Variants in ANKRD17 observed in about 807,000 individuals in gnomAD.
ANKRD17 encodes ankyrin repeat domain 17.
Under a neutral mutation model 229.7 loss-of-function variants are expected in ANKRD17, and 19 were observed. The observed-to-expected ratio is 0.08, with a 90% CI of 0.06 to 0.12. The LOEUF is 0.12. ANKRD17 is among the 10% of genes least tolerant of loss of function. ANKRD17 has a pLI of 1.00. For synonymous variants in ANKRD17, 1,112 were observed against 1,146.1 expected (o/e 0.97, Z 0.60); for missense variants, 2,176 against 3,176.8 (o/e 0.68, Z 7.57).
rs758994349 is a variant in ANKRD17 at position 73,258,485 on chromosome 4, G to T, written c.184C>A (p.Leu62Met). Reference protein sequence around the residue: ...RGMVRVCDLLLKKKPPQQQHH... With the variant: ...RGMVRVCDLLMKKKPPQQQHH... ...TGCTGCTGCGGCGGCTTCTTCTTCA[G>T]GAGCAGGTCGCAGACTCGCACCATC... Residue 62 changes from leucine to methionine, a missense_variant, in exon 1 of 34, where the codon CTG becomes ATG. Leu to Met is a conservative substitution (Grantham distance 15). Around this residue, in one of 18 missense-constraint regions of ANKRD17, gnomAD observed 196 missense variants for 190.0 expected, o/e 1.03. Coordinates refer to ENST00000358602, the MANE Select transcript of ANKRD17 (RefSeq NM_032217.5). 22 of 1,579,966 alleles carry T rather than the reference G, an allele frequency of 1.4e-5. No homozygotes were observed. Among genetic ancestry groups the T allele is most frequent in the Non-Finnish European group, 1.8e-5 (21 of 1,164,500 alleles).
Position 73,148,795 on chromosome 4 carries a change from C to G in ANKRD17, c.1567+18G>C, listed in dbSNP as rs371600971. The G allele has an allele frequency of 6.2e-7, 1 of 1,600,796 alleles. No individual in the cohort carries two copies. Among genetic ancestry groups the G allele is most frequent in the South Asian group, 1.1e-5 (1 of 90,732 alleles). On this transcript the variant is annotated intron_variant, in intron 8 of 33. Coordinates refer to ENST00000358602, the MANE Select transcript of ANKRD17 (RefSeq NM_032217.5). ...GTTTTACACATTTATACTTTAGTGT[C>G]TTGATAGATACGGTTACCTTGACCA...
At chr4:73,107,655 C>T (rs1724805723) in intron 24 of ANKRD17, among the ~76,000 whole-genome samples, 1 of 152,052 alleles carries the variant, frequency 6.6e-6, no homozygotes, top group Admixed American at 6.5e-5. Context: ...AATATTTCAG[C>T]CAAAGAGAAA....
chr4:73,203,949 A>AT (rs1739066426), intron 1 of ANKRD17, among the ~76,000 whole-genome samples: 1 of 152,078 alleles, frequency 6.6e-6, no homozygotes, highest in Admixed American at 6.6e-5. Context: ...AAAAACAGCC[A>AT]TGGGGGGGAA....
At chr4:73,218,951 C>T (rs931258767) in intron 1 of ANKRD17, among the ~76,000 whole-genome samples, 12 of 152,074 alleles carry the variant, frequency 7.9e-5, no homozygotes, top group Non-Finnish European at 1.0e-4. Context: ...ATCCCAGCTA[C>T]TCGGGAGGCT....
intron 1 of ANKRD17, among the ~76,000 whole-genome samples, chr4:73,239,204 C>T (rs1743784283): frequency 2.0e-5 from 3 of 152,246 alleles, no homozygotes; most frequent in Middle Eastern, 3.4e-3. Flanking sequence ...AGATCCTATA[C>T]CACTACAAAA....
At chr4:73,111,877 A>T (rs1725363626) in intron 24 of ANKRD17, among the ~76,000 whole-genome samples, 1 of 152,258 alleles carries the variant, frequency 6.6e-6, no homozygotes, top group Admixed American at 6.5e-5. Flanking sequence ...ACACTATTTT[A>T]TGTTCTAGTA....
intron 18 of ANKRD17, among the ~76,000 whole-genome samples, chr4:73,124,264 T>C (rs1727138208): frequency 9.6e-6 from 1 of 103,912 alleles, no homozygotes; most frequent in African/African-American, 3.8e-5. Flanking sequence ...CTGGTTTATA[T>C]CCCCTGTACA....
intron 25 of ANKRD17, among the ~76,000 whole-genome samples, chr4:73,100,248 C>T (rs1723805127): frequency 6.6e-6 from 1 of 152,108 alleles, no homozygotes; most frequent in African/African-American, 2.4e-5. Flanking sequence ...GAGGGGCTGG[C>T]ACATGGCAGG....
In ANKRD17 at chr4:73,232,512, A is replaced by G. The variant is rs543603250; in HGVS notation, c.393+25764T>C. ...GATCAGAAATTAACACTCAAAATCG[A>G]GCATGTAAGCCAGTCAAGAAAGAAT... On this transcript the variant is annotated intron_variant, in intron 1 of 33. Transcript: ENST00000358602. Among the ~76,000 whole-genome samples the G allele has an allele frequency of 5.4e-4, 83 of 152,348 alleles. 1 individual carries two copies. In the South Asian group the frequency reaches 0.016, roughly 29 times the overall value.
Position 73,216,473 on chromosome 4 carries a change from C to T in ANKRD17, c.394-38940G>A, listed in dbSNP as rs919112573. On this transcript the variant is annotated intron_variant, in intron 1 of 33. Transcript: ENST00000358602. ...AATAATCCCTGACGCTCAAATTTTC[C>T]TGTCAAATGGCGGGGGTGACAGCAT... Among the ~76,000 whole-genome samples the T allele has an allele frequency of 1.3e-4, 20 of 152,232 alleles. No homozygotes were observed. In the South Asian group the frequency reaches 4.1e-3, roughly 32 times the overall value.
chr4:73,175,877 T>G (rs565168673), intron 2 of ANKRD17, among the ~76,000 whole-genome samples: 2 of 152,034 alleles, frequency 1.3e-5, no homozygotes, highest in South Asian at 4.1e-4. Flanking sequence ...GGGGAAACTC[T>G]CCAGGACATT....
At chr4:73,257,097 T>C (rs1278688903) in intron 1 of ANKRD17, among the ~76,000 whole-genome samples, 2 of 152,246 alleles carry the variant, frequency 1.3e-5, no homozygotes, top group Non-Finnish European at 2.9e-5. Context: ...GTGGTACTTT[T>C]AGATGAATCA....
chr4:73,086,724 G>A (rs1722162937), intron 29 of ANKRD17, among the ~76,000 whole-genome samples: 1 of 149,450 alleles, frequency 6.7e-6, no homozygotes, highest in Non-Finnish European at 1.5e-5. Context: ...GAGTATCTGG[G>A]GCTACAGGTG....
chr4:73,089,388 G>C (rs1205287259), intron 29 of ANKRD17, among the ~76,000 whole-genome samples: 1 of 152,032 alleles, frequency 6.6e-6, no homozygotes, highest in Non-Finnish European at 1.5e-5. Context: ...GTAAAAACAG[G>C]CAGCAGGCCA....
In ANKRD17 at chr4:73,090,993, T is replaced by C. The variant is rs1722739511; in HGVS notation, c.6635A>G (p.His2212Arg). The change falls in exon 29 of 34, where the codon CAC becomes CGC. Residue 2212 changes from histidine to arginine, a missense_variant. Physicochemically the swap from His to Arg is conservative, Grantham distance 29. Transcript: ENST00000358602. Reference sequence around the variant, plus strand: ...TAGCTGGACAGAAGAGGGAACACTGTGAGGTCTTTTAATGTGATTGACACT... The same window carrying C: ...TAGCTGGACAGAAGAGGGAACACTGCGAGGTCTTTTAATGTGATTGACACT... ...VLSVNHIKRP[H>R]SVPSSVQLPS... 3 of 1,614,082 alleles carry C rather than the reference T, an allele frequency of 1.9e-6. No homozygotes were observed. Among genetic ancestry groups the C allele is most frequent in the South Asian group, 2.2e-5 (2 of 91,086 alleles).
At position 73,148,942 on chromosome 4, in the gene ANKRD17, C is replaced by A; in HGVS notation, c.1438G>T (p.Val480Leu). 1 of 1,613,606 alleles carries A rather than the reference C, an allele frequency of 6.2e-7. No homozygotes were observed. Among genetic ancestry groups the A allele is most frequent in the Non-Finnish European group, 8.5e-7 (1 of 1,179,752 alleles). Residue 480 changes from valine to leucine, a missense_variant, in exon 8 of 34, where the codon GTG becomes TTG. Val to Leu is a conservative substitution (Grantham distance 32, BLOSUM62 1). This residue lies in a region of ANKRD17 where 42 missense variants were observed against 141.3 expected (regional missense o/e 0.30). Coordinates refer to ENST00000358602, the MANE Select transcript of ANKRD17 (RefSeq NM_032217.5). ...TCAATAAGTAAAGCCGCAAGTTCCA[C>A]ATGCCCACCACATGCAGCCAAAGTT... is the stretch of plus-strand genomic sequence containing the variant. The part of the protein sequence containing the change: ...PLTLAACGGH[V>L]ELAALLIERG...
At chr4:73,122,451 A>G (rs1448620294) in intron 18 of ANKRD17, among the ~76,000 whole-genome samples, 1 of 152,130 alleles carries the variant, frequency 6.6e-6, no homozygotes, top group Non-Finnish European at 1.5e-5. Context: ...ACTGGATCTT[A>G]ATTGCATTTC....
chr4:73,215,755 CT>C (rs1300831944), intron 1 of ANKRD17, among the ~76,000 whole-genome samples: 1 of 152,180 alleles, frequency 6.6e-6, no homozygotes, highest in Non-Finnish European at 1.5e-5. Context: ...GAAACTACCA[CT>C]TGTGGAGTTT....
chr4:73,132,137 A>C (rs1728295791), intron 16 of ANKRD17, among the ~76,000 whole-genome samples: 3 of 147,244 alleles, frequency 2.0e-5, no homozygotes, highest in South Asian at 4.3e-4. Flanking sequence ...ACAGAGTTTC[A>C]CTCTGTCGCC....
Sources: gnomAD v4.1 joint callset for allele counts (sites outside exome capture counted in the v4.1 genomes callset) on GRCh38, gnomAD v4.1.1 for gene constraint, gnomAD v4.1.1 regional missense constraint, MANE v1.5 for transcripts, NCBI Gene and HGNC (gene_info 2026-07-23, HGNC 2026-07-21) for gene names.